Variants in GPR55 observed in about 807,000 individuals in gnomAD.
GPR55 encodes the protein G-protein coupled receptor 55.
A neutral mutation model predicts 7.9 loss-of-function variants in GPR55; 6 were observed. That is an observed-to-expected ratio of 0.76 (90% CI 0.41 to 1.49). The LOEUF is 1.49. GPR55 is among the 40% of genes most tolerant of loss of function. The pLI is 0.01. For synonymous variants in GPR55, 183 were observed against 166.8 expected, an observed-to-expected ratio of 1.10 and a Z score of -0.75; for missense variants, 376 against 406.0, an observed-to-expected ratio of 0.93 and a Z score of 0.63.
chr2:230,926,033 C>T (rs1419763813), upstream of GPR55, among the ~76,000 whole-genome samples: 1 of 152,230 alleles, frequency 6.6e-6, no homozygotes, highest in Non-Finnish European at 1.5e-5. Flanking sequence ...ATGCAGCTCT[C>T]ATGCCCTGGA....
intron 1 of GPR55, among the ~76,000 whole-genome samples, chr2:230,959,029 C>T (rs1250815544): frequency 6.6e-6 from 1 of 152,214 alleles, no homozygotes; most frequent in Non-Finnish European, 1.5e-5. Flanking sequence ...TGTGTGAGGT[C>T]ACAGCAGTTC....
chr2:230,933,600 A>G (rs1691088027), intron 1 of GPR55, among the ~76,000 whole-genome samples: 1 of 151,992 alleles, frequency 6.6e-6, no homozygotes, highest in South Asian at 2.1e-4. Flanking sequence ...TTTCATGTCC[A>G]CCCTCAGTCC....
chr2:230,914,377 C>T (rs1309282409), intron 1 of GPR55, among the ~76,000 whole-genome samples: 1 of 152,068 alleles, frequency 6.6e-6, no homozygotes, highest in Non-Finnish European at 1.5e-5. Flanking sequence ...GTCTTTGAAG[C>T]CAGAGAAGGC....
intron 1 of GPR55, among the ~76,000 whole-genome samples, chr2:230,912,833 G>A (rs761731109): frequency 8.6e-5 from 13 of 152,026 alleles, no homozygotes; most frequent in Non-Finnish European, 1.9e-4. Flanking sequence ...TAAGATATTC[G>A]AAGAGAACAA....
chr2:230,919,952 T>C (rs897025016), intron 1 of GPR55, among the ~76,000 whole-genome samples: 1 of 150,866 alleles, frequency 6.6e-6, no homozygotes, highest in African/African-American at 2.4e-5. Flanking sequence ...ATTTCAACTG[T>C]GATTAAAATT....
intron 1 of GPR55, among the ~76,000 whole-genome samples, chr2:230,952,375 C>T (rs1691416832): frequency 1.3e-5 from 2 of 152,234 alleles, no homozygotes; most frequent in Admixed American, 6.5e-5. Flanking sequence ...CAGCTGGAGC[C>T]TGGCCGTGCC....
At chr2:230,912,961 C>T (rs1690627348) in intron 1 of GPR55, among the ~76,000 whole-genome samples, 1 of 152,290 alleles carries the variant, frequency 6.6e-6, no homozygotes, top group African/African-American at 2.4e-5. Flanking sequence ...TAAGTAGATA[C>T]ATATATGCAA....
chr2:230,943,822 C>T (rs768758926), intron 1 of GPR55, among the ~76,000 whole-genome samples: 1 of 152,204 alleles, frequency 6.6e-6, no homozygotes. Context: ...ATGTGAGATG[C>T]CGCTTCCTCT....
At chr2:230,952,082 G>T (rs1023842544) in intron 1 of GPR55, among the ~76,000 whole-genome samples, 1 of 152,110 alleles carries the variant, frequency 6.6e-6, no homozygotes, top group African/African-American at 2.4e-5. Flanking sequence ...GGTACATTTG[G>T]AGAGGGAGGG....
Position 230,910,476 on chromosome 2 carries a change from C to G in GPR55, c.487G>C (p.Val163Leu), listed in dbSNP as rs756679299. 1 of 1,614,192 alleles carries G rather than the reference C, an allele frequency of 6.2e-7. No homozygotes were observed. The highest frequency in any genetic ancestry group is 1.1e-5 in the South Asian group (1 of 91,082). The part of the protein sequence containing the change: ...SIPIYSFHGK[V>L]EKYMCFHNMS... ...TTGTGGAAGCACATGTATTTTTCCA[C>G]TTTCCCATGGAAACTGTAGATAGGG... is the stretch of plus-strand genomic sequence containing the variant. Residue 163 changes from valine (V) to leucine (L), a missense_variant, in exon 2 of 2, where the codon GTG becomes CTG. Val to Leu is a conservative substitution (Grantham distance 32). Transcript: ENST00000650999. This position sits in a 1 kb window ranked among gnomAD's most constrained non-coding sequence, Gnocchi z 5.4.
intron 1 of GPR55, among the ~76,000 whole-genome samples, chr2:230,945,466 TATTTGAGCCCTG>T (rs1347955886): frequency 6.6e-6 from 1 of 152,168 alleles, no homozygotes; most frequent in Admixed American, 6.5e-5. Context: ...CCCGCGCCCT[TATTTGAGCCCTG>T]ATTTGAACAA....
At position 230,937,580 on chromosome 2, in the gene GPR55, C is replaced by T. The variant is rs376063006; in HGVS notation, c.-135+23195G>A. On this transcript the variant is annotated intron_variant, in intron 1 of 1. Transcript: ENST00000392039. ...GAAGTAAATTGCCTTGCCGAGAGAG[C>T]TTTTTGCTGGAGTGCTGATTCTTCT... Among the ~76,000 whole-genome samples the T allele has an allele frequency of 4.6e-5, 7 of 151,660 alleles. No homozygotes were observed. The East Asian group carries it at 1.2e-3, about 25-fold the overall frequency.
At chr2:230,920,113 T>C (rs1348540679) in intron 1 of GPR55, among the ~76,000 whole-genome samples, 2 of 151,780 alleles carry the variant, frequency 1.3e-5, no homozygotes, top group Non-Finnish European at 2.9e-5. Context: ...TGTGTGTGTG[T>C]GCTTTTCTAA....
chr2:230,941,482 C>CT (rs1230171842), intron 1 of GPR55, among the ~76,000 whole-genome samples: 1 of 152,386 alleles, frequency 6.6e-6, no homozygotes, highest in Non-Finnish European at 1.5e-5. Context: ...TCTGCCTCCT[C>CT]TGCCATGGTG....
At chr2:230,953,258 A>T (rs189199770) in intron 1 of GPR55, among the ~76,000 whole-genome samples, 7 of 152,334 alleles carry the variant, frequency 4.6e-5, no homozygotes, top group Non-Finnish European at 8.8e-5. Context: ...ACTGGTGAGT[A>T]TGTTAAATTA....
chr2:230,935,719 G>A lies in GPR55; in HGVS notation c.-134-24623C>T, dbSNP rs571203070. On this transcript the variant is annotated intron_variant, in intron 1 of 1. Transcript: ENST00000392039. Reference sequence around the variant, plus strand: ...CGGAGGGTACGGAATACCGACACAGGGGAATGGAGATACAGGTTCAGTATC... The same window carrying A: ...CGGAGGGTACGGAATACCGACACAGAGGAATGGAGATACAGGTTCAGTATC... Among the ~76,000 whole-genome samples, 16 of 152,340 alleles carry A rather than the reference G, an allele frequency of 1.1e-4. No homozygotes were observed. The South Asian group carries it at 3.3e-3, about 32-fold the overall frequency.
intron 1 of GPR55, among the ~76,000 whole-genome samples, chr2:230,916,104 T>C (rs1351509996): frequency 6.6e-6 from 1 of 151,068 alleles, no homozygotes; most frequent in Non-Finnish European, 1.5e-5. Context: ...GCTGGACTAG[T>C]GGCTCACACC....
At chr2:230,940,219 AC>A (rs1384912095) in intron 1 of GPR55, among the ~76,000 whole-genome samples, 1 of 151,860 alleles carries the variant, frequency 6.6e-6, no homozygotes, top group Admixed American at 6.6e-5. Context: ...AAGGGGGCTA[AC>A]CGCTCATGGG....
At chr2:230,931,225 A>T (rs753085050) in intron 1 of GPR55, among the ~76,000 whole-genome samples, 1 of 152,172 alleles carries the variant, frequency 6.6e-6, no homozygotes, top group Admixed American at 6.5e-5. Flanking sequence ...CTTCAAGGAG[A>T]CGTCATTGCC....
Sources: allele counts gnomAD v4.1 joint callset (sites outside exome capture counted in the v4.1 genomes callset), GRCh38; gene constraint gnomAD v4.1.1; non-coding constraint Gnocchi (gnomAD v3.1); transcripts MANE v1.5; gene names NCBI Gene and HGNC (gene_info 2026-07-23, HGNC 2026-07-21).